NIBAN2: variants seen among roughly 807,000 people sequenced by gnomAD.
NIBAN2 encodes the protein niban apoptosis regulator 2.
A neutral mutation model predicts 81.8 loss-of-function variants in NIBAN2; 36 were observed. That is an observed-to-expected ratio of 0.44 (90% CI 0.34 to 0.58). NIBAN2 has a LOEUF of 0.58. NIBAN2 is among the 20% of genes least tolerant of loss of function. The pLI is 0.02. For missense variants in NIBAN2, 897 were observed against 1,014.1 expected (o/e 0.88, Z 1.57); for synonymous variants, 445 against 441.6 (o/e 1.01, Z -0.10).
chr9:127,556,253 C>T (rs749926890), intron 1 of NIBAN2, among the ~76,000 whole-genome samples: 45 of 152,020 alleles, frequency 3.0e-4, no homozygotes, highest in Admixed American at 5.9e-4. Flanking sequence ...TTCGTGCCTG[C>T]GGGTCTGAGA....
At chr9:127,566,893 C>A (rs1183170742) in intron 1 of NIBAN2, among the ~76,000 whole-genome samples, 1 of 148,634 alleles carries the variant, frequency 6.7e-6, no homozygotes, top group African/African-American at 2.5e-5. Flanking sequence ...CCCCTTCCAA[C>A]ACCCCACCCC....
chr9:127,529,837 G>A (rs760938405), intron 2 of NIBAN2, among the ~76,000 whole-genome samples: 24 of 152,010 alleles, frequency 1.6e-4, no homozygotes, highest in Non-Finnish European at 3.1e-4. Context: ...TGTGATGATC[G>A]GTTTCCTGAG....
Position 127,563,794 on chromosome 9 carries a change from G to A in NIBAN2, c.55+5026C>T, listed in dbSNP as rs1197010774. ...CTCCCAAAGCGCTGGAATTACAAGC[G>A]TGAGTCACCGCGCCCAGCAGAGAGG... is the stretch of plus-strand genomic sequence containing the variant. On this transcript the variant is annotated intron_variant, in intron 1 of 13. Transcript: ENST00000373312. This position sits in a 1 kb window ranked among gnomAD's most constrained non-coding sequence, Gnocchi z 4.1. 6.6e-6 allele frequency among the ~76,000 whole-genome samples: 1 copy of A among 152,124 alleles called. No homozygotes were observed.
rs1837909404 is a variant in NIBAN2 at position 127,568,994 on chromosome 9, CCGCCG to C, written c.-125_-121del. ...CCTGCTTCCCCCGCTCCCGCCGCTCCCGCCGCTCCCGCCGCCCGGCTGCGGCTTCC... is the reference window on the plus strand; with the variant it reads ...CCTGCTTCCCCCGCTCCCGCCGCTCCCTCCCGCCGCCCGGCTGCGGCTTCC... On this transcript the variant is annotated 5_prime_UTR_variant, in exon 1 of 14. Coordinates refer to ENST00000373312, the MANE Select transcript of NIBAN2 (RefSeq NM_022833.4). The C allele has an allele frequency of 2.7e-6, 3 of 1,127,016 alleles. No individual in the cohort carries two copies. In the South Asian group the frequency reaches 1.3e-4, roughly 48 times the overall value. 69.8% of individuals were successfully genotyped at this position (1,127,016 alleles called of 1,614,324 possible). A position where few individuals can be genotyped will look rare whatever the true frequency, so the allele number is the denominator to read the frequency against.
Position 127,517,767 on chromosome 9 carries a change from T to G in NIBAN2, c.705+59A>C. The G allele has an allele frequency of 1.9e-6, 2 of 1,038,488 alleles. No homozygotes were observed. Among genetic ancestry groups the G allele is most frequent in the Non-Finnish European group, 2.9e-6 (2 of 693,594 alleles). The allele number at this position is 1,038,488 out of a possible 1,614,324, so 64.3% of individuals were successfully genotyped here. On this transcript the variant is annotated intron_variant, in intron 6 of 13. Transcript: ENST00000373312. The surrounding 1 kb of genome is among the most constrained non-coding windows in gnomAD (Gnocchi z 4.0). The stretch of plus-strand genomic sequence containing the variant: ...CATCTCTGTACCCCACCCCCTGCCC[T>G]CCCCTGCTGGGTCCTTGGGTGACTT...
At chr9:127,567,701 C>G (rs1027853357) in intron 1 of NIBAN2, among the ~76,000 whole-genome samples, 1 of 152,144 alleles carries the variant, frequency 6.6e-6, no homozygotes, top group African/African-American at 2.4e-5. Flanking sequence ...CAGGCGGACG[C>G]GGTGCTCAGG....
At chr9:127,537,602 T>C in intron 1 of NIBAN2, among the ~76,000 whole-genome samples, 1 of 152,302 alleles carries the variant, frequency 6.6e-6, no homozygotes, top group South Asian at 2.1e-4. Context: ...TCCCCTGGCA[T>C]AACCCTTAGC....
chr9:127,519,346 T>C (rs938988285), intron 5 of NIBAN2, among the ~76,000 whole-genome samples: 2 of 152,102 alleles, frequency 1.3e-5, no homozygotes, highest in East Asian at 3.9e-4. Flanking sequence ...CGGGAGGCAA[T>C]TGGCAGGAAG....
At chr9:127,538,117 G>A (rs942338005) in intron 1 of NIBAN2, among the ~76,000 whole-genome samples, 6 of 152,200 alleles carry the variant, frequency 3.9e-5, no homozygotes, top group African/African-American at 1.2e-4. Flanking sequence ...GGAGCTGAGA[G>A]CCAACCCTTT....
intron 1 of NIBAN2, among the ~76,000 whole-genome samples, chr9:127,575,230 C>CTT (rs11309796): frequency 0.012 from 1,483 of 122,506 alleles, 25 homozygotes; most frequent in East Asian, 0.066. Flanking sequence ...AATATGGATT[C>CTT]TTTTTTTTTT....
chr9:127,508,110 C>A lies in NIBAN2; in HGVS notation c.1525G>T (p.Ala509Ser), dbSNP rs765640749. 1.2e-6 allele frequency: 2 copies of A among 1,613,410 alleles called. No homozygotes were observed. Among genetic ancestry groups the A allele is most frequent in the South Asian group, 2.2e-5 (2 of 91,074 alleles). ...CTGCTCACCGACTTGCAGGTAGGGG[C>A]CAGCTTCTTGAGCAGGAACGGGATG... ...ISIPFLLKKL[A>S]PTCKSELPRF... is the part of the protein sequence containing the mutation. The change falls in exon 12 of 14, where the codon GCC becomes TCC. Residue 509 changes from alanine to serine, a missense_variant. Ala to Ser is a moderately conservative substitution (Grantham distance 99, BLOSUM62 1). This residue lies in a region of NIBAN2 where 619 missense variants were observed against 691.0 expected (regional missense o/e 0.90). Transcript: ENST00000373312. The surrounding 1 kb of genome is among the most constrained non-coding windows in gnomAD (Gnocchi z 6.4).
chr9:127,517,221 G>A lies in NIBAN2; in HGVS notation c.706-5C>T, dbSNP rs1286530799. 1.2e-6 allele frequency: 2 copies of A among 1,613,056 alleles called. No homozygotes were observed. The highest frequency in any genetic ancestry group is 1.7e-6 in the Non-Finnish European group (2 of 1,179,566). ...CATCACCAGGTTGCTCAGGATCTAG[G>A]TTGAGGAGGCACAAGCCAGGCCAGG... On this transcript the variant is annotated splice_region_variant and splice_polypyrimidine_tract_variant and intron_variant, in intron 6 of 13. Transcript: ENST00000373312. The surrounding 1 kb of genome is among the most constrained non-coding windows in gnomAD (Gnocchi z 4.0).
Position 127,507,187 on chromosome 9 carries a change from C to A in NIBAN2, c.1899G>T (p.Leu633=), listed in dbSNP as rs1481970394. 1 of 1,612,886 alleles carries A rather than the reference C, an allele frequency of 6.2e-7. No homozygotes were observed. Among genetic ancestry groups the A allele is most frequent in the Non-Finnish European group, 8.5e-7 (1 of 1,179,760 alleles). The change falls in exon 14 of 14, where the codon CTG becomes CTT. Residue 633 remains leucine, a synonymous_variant. Transcript: ENST00000373312. The surrounding 1 kb of genome is among the most constrained non-coding windows in gnomAD (Gnocchi z 6.8). ...GTGACTCAGGGCTAGCCTCAAAGGGCAGCCCCACCTCCTCATCCTGGACCA... is the reference window on the plus strand; with the variant it reads ...GTGACTCAGGGCTAGCCTCAAAGGGAAGCCCCACCTCCTCATCCTGGACCA... ...VSVVQDEEVG[L]PFEASPESPP...
intron 1 of NIBAN2, among the ~76,000 whole-genome samples, chr9:127,558,467 G>C (rs1837714904): frequency 6.6e-6 from 1 of 152,146 alleles, no homozygotes; most frequent in South Asian, 2.1e-4. Context: ...GTTTACTGGG[G>C]CATGAGAAAA....
chr9:127,534,609 G>C (rs1172695151), intron 1 of NIBAN2, among the ~76,000 whole-genome samples: 1 of 152,144 alleles, frequency 6.6e-6, no homozygotes, highest in East Asian at 1.9e-4. Context: ...CTCAGTGATG[G>C]GGGTGGAGGG....
At chr9:127,514,684 A>C (rs1836793065) in intron 8 of NIBAN2, among the ~76,000 whole-genome samples, 1 of 152,322 alleles carries the variant, frequency 6.6e-6, no homozygotes, top group Non-Finnish European at 1.5e-5. Flanking sequence ...TAATTATGTA[A>C]AAGCCTTCTT....
rs61128001 is a variant in NIBAN2, at chr9:127,520,229, CTTTTTT to C, written c.590-2294_590-2289del. ...ACGTGATTATATTTGGACCCAGGGTCTTTTTTTTTTTTTTTTTTTTTTTTTTCTGAG... is the reference window on the plus strand; with the variant it reads ...ACGTGATTATATTTGGACCCAGGGTCTTTTTTTTTTTTTTTTTTTTCTGAG... On this transcript the variant is annotated intron_variant, in intron 5 of 13. Transcript: ENST00000373312. 1.1e-4 allele frequency among the ~76,000 whole-genome samples: 12 copies of C among 109,518 alleles called. 1 individual carries two copies. The highest frequency in any genetic ancestry group is 3.5e-4 in the African/African-American group (10 of 28,394). The allele number at this position is 109,518 out of a possible 152,430, so 71.8% of individuals were successfully genotyped here. A position where few individuals can be genotyped will look rare whatever the true frequency, so the allele number is the denominator to read the frequency against.
At chr9:127,541,380 C>T (rs901281867) in intron 1 of NIBAN2, among the ~76,000 whole-genome samples, 1 of 152,234 alleles carries the variant, frequency 6.6e-6, no homozygotes, top group African/African-American at 2.4e-5. Context: ...CATTATTTCA[C>T]GCACTGTCCT....
chr9:127,567,925 C>A (rs1336622587), intron 1 of NIBAN2, among the ~76,000 whole-genome samples: 1 of 152,166 alleles, frequency 6.6e-6, no homozygotes, highest in African/African-American at 2.4e-5. Context: ...GCTGGGATTC[C>A]ACCCAGGGCA....
Sources: allele counts gnomAD v4.1 joint callset (sites outside exome capture counted in the v4.1 genomes callset), GRCh38; gene constraint gnomAD v4.1.1; regional missense constraint gnomAD v4.1.1; non-coding constraint Gnocchi (gnomAD v3.1); transcripts MANE v1.5; gene names NCBI Gene and HGNC (gene_info 2026-07-23, HGNC 2026-07-21).